RYR2: variants seen among roughly 807,000 people sequenced by gnomAD.
The protein encoded by RYR2 is ryanodine receptor 2.
RYR2 carries 227 observed loss-of-function variants against 601.1 expected under a neutral mutation model. The observed-to-expected ratio is 0.38, with a 90% CI of 0.34 to 0.42. RYR2 has a LOEUF of 0.42. Among genes scored for constraint, RYR2 ranks in the 10% least tolerant of loss-of-function variants. The pLI is 1.00. For synonymous variants in RYR2, 2,223 were observed against 2,175.1 expected (o/e 1.02, Z -0.61); for missense variants, 4,646 against 6,156.5 (o/e 0.75, Z 8.21).
chr1:237,132,046 C>T (rs1672227296), intron 1 of RYR2, among the ~76,000 whole-genome samples: 1 of 152,188 alleles, frequency 6.6e-6, no homozygotes, highest in African/African-American at 2.4e-5. Flanking sequence ...ATCTTGCATA[C>T]TTTCTTCACA....
At chr1:237,233,571 T>G (rs957058430) in intron 1 of RYR2, among the ~76,000 whole-genome samples, 1 of 152,202 alleles carries the variant, frequency 6.6e-6, no homozygotes, top group African/African-American at 2.4e-5. Context: ...TTTACTCCAT[T>G]TTTGTGCATG....
chr1:237,287,976 G>T (rs1691746066), intron 2 of RYR2, among the ~76,000 whole-genome samples: 1 of 152,168 alleles, frequency 6.6e-6, no homozygotes, highest in Non-Finnish European at 1.5e-5. Context: ...GAAGGCTGTT[G>T]TTCAGATTCT....
rs751862047 is a variant in RYR2 at position 237,374,793 on chromosome 1, C to G, written c.461C>G (p.Thr154Arg). Residue 154 changes from threonine to arginine, a missense_variant and splice_region_variant, in exon 7 of 105, where the codon ACA becomes AGA. By Grantham distance (71) the Thr-to-Arg change is moderately conservative. Around this residue, in one of 17 missense-constraint regions of RYR2, gnomAD observed 153 missense variants for 203.6 expected, o/e 0.75. Transcript: ENST00000366574. ...GATGTTGGCTTGCAAGAGGACACCA[C>G]AGGTAAGCATCTTGTGCTGCGGGAA... The part of the protein sequence containing the change: ...AFDVGLQEDT[T>R]GEACWWTIHP... 6.2e-7 allele frequency: 1 copy of G among 1,610,994 alleles called. No homozygotes were observed. The highest frequency in any genetic ancestry group is 8.5e-7 in the Non-Finnish European group (1 of 1,178,412).
At chr1:237,574,668 G>T (rs1673045113) in intron 29 of RYR2, among the ~76,000 whole-genome samples, 1 of 152,118 alleles carries the variant, frequency 6.6e-6, no homozygotes, top group Non-Finnish European at 1.5e-5. Context: ...AGAGCAACAT[G>T]ATGGTAACCT....
intron 25 of RYR2, among the ~76,000 whole-genome samples, chr1:237,535,825 C>T (rs752370167): frequency 3.3e-5 from 5 of 151,906 alleles, no homozygotes; most frequent in East Asian, 1.9e-4. Flanking sequence ...TTAATAAAGA[C>T]GAAAATTCAT....
At chr1:237,497,175 A>G (rs1664158362) in intron 20 of RYR2, among the ~76,000 whole-genome samples, 1 of 152,222 alleles carries the variant, frequency 6.6e-6, no homozygotes, top group African/African-American at 2.4e-5. Context: ...AATAATGGGA[A>G]GAAATAGACT....
chr1:237,688,721 G>A (rs111236663), intron 63 of RYR2, among the ~76,000 whole-genome samples: 8,104 of 152,118 alleles, frequency 0.053, 238 homozygotes, highest in Middle Eastern at 0.071. Context: ...ATTCAGGCAG[G>A]ATTTTCATAC....
intron 37 of RYR2, among the ~76,000 whole-genome samples, chr1:237,616,230 T>C (rs1678451292): frequency 6.6e-6 from 1 of 152,204 alleles, no homozygotes; most frequent in African/African-American, 2.4e-5. Context: ...TTTAAGGTCC[T>C]CTTTGACACT....
intron 1 of RYR2, among the ~76,000 whole-genome samples, chr1:237,156,117 T>C (rs1675303795): frequency 6.6e-6 from 1 of 152,200 alleles, no homozygotes; most frequent in South Asian, 2.1e-4. Context: ...CTGTGTTCTC[T>C]GACCTCTTCC....
intron 1 of RYR2, among the ~76,000 whole-genome samples, chr1:237,255,075 C>T (rs1349768136): frequency 6.6e-6 from 1 of 152,112 alleles, no homozygotes; most frequent in Admixed American, 6.5e-5. Context: ...TGAAGTTTAA[C>T]CAGAGTCTTG....
intron 1 of RYR2, among the ~76,000 whole-genome samples, chr1:237,065,358 C>T (rs1263909852): frequency 1.3e-5 from 2 of 149,922 alleles, no homozygotes; most frequent in Non-Finnish European, 2.9e-5. Context: ...TGGCTCACCT[C>T]AACCTCCACC....
At chr1:237,297,147 T>C (rs1692866404) in intron 2 of RYR2, among the ~76,000 whole-genome samples, 1 of 152,184 alleles carries the variant, frequency 6.6e-6, no homozygotes, top group South Asian at 2.1e-4. Context: ...AGTACATATA[T>C]AATTATTGTC....
intron 1 of RYR2, among the ~76,000 whole-genome samples, chr1:237,053,597 G>T (rs767510222): frequency 6.6e-6 from 1 of 152,170 alleles, no homozygotes; most frequent in Non-Finnish European, 1.5e-5. Context: ...CTGCGCCAGC[G>T]CCCGGTCTCT....
At chr1:237,587,175 A>G (rs186950101) in intron 29 of RYR2, among the ~76,000 whole-genome samples, 1 of 152,226 alleles carries the variant, frequency 6.6e-6, no homozygotes, top group Admixed American at 6.5e-5. Context: ...TTCTTAACAC[A>G]TATTACCAAA....
chr1:237,353,389 A>T (rs1294163512), intron 3 of RYR2, among the ~76,000 whole-genome samples: 3 of 151,824 alleles, frequency 2.0e-5, no homozygotes, highest in Non-Finnish European at 4.4e-5. Flanking sequence ...GGCACCTGTA[A>T]TCCCAGCTAT....
intron 1 of RYR2, among the ~76,000 whole-genome samples, chr1:237,104,274 C>T (rs903770643): frequency 1.6e-4 from 25 of 152,162 alleles, no homozygotes; most frequent in Non-Finnish European, 5.9e-5. Context: ...AAGCATCCCT[C>T]AGTAGGGACA....
At chr1:237,466,312 T>TG (rs1660080552) in intron 16 of RYR2, among the ~76,000 whole-genome samples, 1 of 152,028 alleles carries the variant, frequency 6.6e-6, no homozygotes, top group African/African-American at 2.4e-5. Context: ...ACCACAGGCA[T>TG]GTACCATCAA....
At chr1:237,611,131 G>T (rs890835762) in intron 36 of RYR2, 143 bp downstream of exon 36, 1 of 655,002 alleles carries the variant, frequency 1.5e-6, no homozygotes, top group Non-Finnish European at 2.6e-6. Flanking sequence ...TTTAGGCAAT[G>T]GAGTCATTAT....
At chr1:237,375,966 C>T (rs1701002345) in intron 7 of RYR2, among the ~76,000 whole-genome samples, 1 of 152,082 alleles carries the variant, frequency 6.6e-6, no homozygotes. Flanking sequence ...CCGTAGTTCC[C>T]TACCTCTTCT....
Sources: allele counts gnomAD v4.1 joint callset (sites outside exome capture counted in the v4.1 genomes callset), GRCh38; gene constraint gnomAD v4.1.1; regional missense constraint gnomAD v4.1.1; transcripts MANE v1.5; gene names NCBI Gene and HGNC (gene_info 2026-07-23, HGNC 2026-07-21).